Variants in TENM3 observed in about 807,000 individuals in gnomAD.
TENM3 encodes teneurin-3.
In TENM3, 63 loss-of-function variants were observed where a neutral mutation model predicts 255.1. That is an observed-to-expected ratio of 0.25 (90% confidence interval 0.20 to 0.30). TENM3 has a LOEUF of 0.30. TENM3 is among the 10% of genes least tolerant of loss of function. The probability of loss-of-function intolerance (pLI) is 1.00; values close to 1 mark genes in which losing one functional copy is unlikely to be tolerated. For synonymous variants in TENM3, 1,306 were observed against 1,322.3 expected, an observed-to-expected ratio of 0.99 and a Z score of 0.27; for missense variants, 2,929 against 3,461.1, an observed-to-expected ratio of 0.85 and a Z score of 3.86.
At chr4:182,208,876 A>G (rs1754762354) in intron 1 of TENM3, among the ~76,000 whole-genome samples, 1 of 151,542 alleles carries the variant, frequency 6.6e-6, no homozygotes, top group African/African-American at 2.4e-5. Context: ...GTCAAAGTAT[A>G]TTTCCTATCT....
At chr4:182,139,432 G>A (rs1345602435), upstream of TENM3, among the ~76,000 whole-genome samples, 3 of 152,172 alleles carry the variant, frequency 2.0e-5, no homozygotes, top group African/African-American at 7.2e-5. Flanking sequence ...TAACATATAA[G>A]CTGGACCCTG....
chr4:181,450,878 A>C, the TENM3 span, among the ~76,000 whole-genome samples: 1 of 152,208 alleles, frequency 6.6e-6, no homozygotes, highest in Non-Finnish European at 1.5e-5. Context: ...ATGGCAACAA[A>C]AGAAACACTT....
At chr4:182,342,457 T>TG (rs1351841343) in intron 2 of TENM3, among the ~76,000 whole-genome samples, 7 of 146,438 alleles carry the variant, frequency 4.8e-5, no homozygotes, top group African/African-American at 1.5e-4. Context: ...TGCCTAGGGC[T>TG]GGGGGTGGGA....
the TENM3 span, among the ~76,000 whole-genome samples, chr4:181,882,264 GATTA>G: frequency 6.6e-6 from 1 of 152,144 alleles, no homozygotes; most frequent in African/African-American, 2.4e-5. Context: ...GAAGCAAATG[GATTA>G]ATTATTCCTC....
chr4:182,212,643 T>G (rs1308481383), intron 1 of TENM3, among the ~76,000 whole-genome samples: 1 of 152,356 alleles, frequency 6.6e-6, no homozygotes, highest in African/African-American at 2.4e-5. Context: ...CCACAAAGTC[T>G]TCTCATGCTG....
the TENM3 span, among the ~76,000 whole-genome samples, chr4:181,742,623 A>G: frequency 1.3e-5 from 2 of 152,112 alleles, no homozygotes; most frequent in Non-Finnish European, 2.9e-5. Flanking sequence ...GGAGAAAAAT[A>G]AAATAAGGAA....
chr4:181,732,094 A>C, the TENM3 span, among the ~76,000 whole-genome samples: 1 of 152,246 alleles, frequency 6.6e-6, no homozygotes, highest in Non-Finnish European at 1.5e-5. Context: ...TAATTTGCTT[A>C]TGAGGCGATT....
At chr4:182,541,883 A>C (rs1162065735) in intron 3 of TENM3, among the ~76,000 whole-genome samples, 1 of 150,992 alleles carries the variant, frequency 6.6e-6, no homozygotes, top group African/African-American at 2.4e-5. Flanking sequence ...ACATAGCAAG[A>C]CCCCGTCTCT....
chr4:181,534,474 C>T, the TENM3 span, among the ~76,000 whole-genome samples: 532 of 35,892 alleles, frequency 0.015, 4 homozygotes, highest in African/African-American at 0.089. Context: ...CTTCCCCCCC[C>T]CCACAGAAAA....
chr4:182,780,831 G>A (rs1765107936), intron 24 of TENM3, among the ~76,000 whole-genome samples: 1 of 151,348 alleles, frequency 6.6e-6, no homozygotes, highest in Non-Finnish European at 1.5e-5. Flanking sequence ...GTGAATGGGA[G>A]TTCACTCCTG....
At chr4:181,693,230 G>C in the TENM3 span, among the ~76,000 whole-genome samples, 1 of 152,184 alleles carries the variant, frequency 6.6e-6, no homozygotes, top group African/African-American at 2.4e-5. Context: ...ACTTAAGAAA[G>C]AACTAGCTAA....
the TENM3 span, among the ~76,000 whole-genome samples, chr4:181,494,205 G>T: frequency 6.6e-6 from 1 of 152,134 alleles, no homozygotes; most frequent in Non-Finnish European, 1.5e-5. Flanking sequence ...CTCCATCAGT[G>T]GTCCATGAAT....
chr4:181,913,357 T>C, the TENM3 span, among the ~76,000 whole-genome samples: 1 of 152,258 alleles, frequency 6.6e-6, no homozygotes, highest in South Asian at 2.1e-4. Flanking sequence ...AAAATAGCAC[T>C]CAGGCAAAAA....
the TENM3 span, among the ~76,000 whole-genome samples, chr4:181,952,728 G>A: frequency 6.6e-6 from 1 of 152,222 alleles, no homozygotes; most frequent in Non-Finnish European, 1.5e-5. Flanking sequence ...CTGCAGGCAG[G>A]ACTCCCTAGA....
chr4:181,818,679 A>G, the TENM3 span, among the ~76,000 whole-genome samples: 3 of 149,996 alleles, frequency 2.0e-5, no homozygotes, highest in Non-Finnish European at 4.4e-5. Context: ...GTGTGATCTC[A>G]ACTCACTGCA....
the TENM3 span, among the ~76,000 whole-genome samples, chr4:181,599,088 A>T: frequency 6.6e-6 from 1 of 152,214 alleles, no homozygotes; most frequent in Non-Finnish European, 1.5e-5. Context: ...AAGGTTGTGT[A>T]AGTATCCAGG....
chr4:182,729,561 T>G (rs1760513103), intron 14 of TENM3, among the ~76,000 whole-genome samples: 1 of 152,130 alleles, frequency 6.6e-6, no homozygotes, highest in Non-Finnish European at 1.5e-5. Flanking sequence ...TGAATGAATG[T>G]AATGGAACTG....
intron 3 of TENM3, among the ~76,000 whole-genome samples, chr4:182,360,397 G>T (rs1327786562): frequency 6.8e-5 from 9 of 132,644 alleles, no homozygotes; most frequent in Middle Eastern, 3.6e-3. Flanking sequence ...TTATGAATCT[G>T]GGTGCTCCTG....
chr4:182,674,131 A>T (rs1210027532), intron 7 of TENM3, among the ~76,000 whole-genome samples: 1 of 152,214 alleles, frequency 6.6e-6, no homozygotes, highest in Non-Finnish European at 1.5e-5. Context: ...CTAAAGTTAT[A>T]TTCAATAATC....
Sources: allele counts gnomAD v4.1 joint callset (sites outside exome capture counted in the v4.1 genomes callset), GRCh38; gene constraint gnomAD v4.1.1; transcripts MANE v1.5; gene names NCBI Gene and HGNC (gene_info 2026-07-23, HGNC 2026-07-21).